ADAMTSL1: variants seen among roughly 807,000 people sequenced by gnomAD.
The protein encoded by ADAMTSL1 is ADAMTS like 1, also known as ADAMTS-like protein 1.
Under a neutral mutation model 201.8 loss-of-function variants are expected in ADAMTSL1, and 126 were observed. The ratio of observed to expected loss-of-function variants is 0.62; its 90% CI spans 0.54 to 0.72. The LOEUF is 0.72. Ranked by LOEUF, ADAMTSL1 falls within the 30% of genes least tolerant of loss-of-function variation. The pLI, the probability that ADAMTSL1 is intolerant of heterozygous loss-of-function variation, is 0.00. For missense variants in ADAMTSL1, 2,679 were observed against 2,277.8 expected (o/e 1.18, Z -3.59); for synonymous variants, 1,121 against 903.4 (o/e 1.24, Z -4.32).
intron 1 of ADAMTSL1, among the ~76,000 whole-genome samples, chr9:18,014,245 G>C (rs1014439923): frequency 6.6e-6 from 1 of 151,946 alleles, no homozygotes. Flanking sequence ...TGCTCCACTG[G>C]CAAAATGGAG....
chr9:18,259,651 T>C (rs752808187), intron 2 of ADAMTSL1, among the ~76,000 whole-genome samples: 3 of 152,166 alleles, frequency 2.0e-5, no homozygotes, highest in Non-Finnish European at 4.4e-5. Context: ...CTTTGACTTG[T>C]TAGGTTTCCA....
intron 23 of ADAMTSL1, among the ~76,000 whole-genome samples, chr9:18,867,439 G>T (rs993963914): frequency 1.3e-5 from 2 of 152,146 alleles, no homozygotes; most frequent in Non-Finnish European, 2.9e-5. Context: ...GATTTAAACA[G>T]TGCAAATGTG....
intron 2 of ADAMTSL1, among the ~76,000 whole-genome samples, chr9:18,366,411 C>A (rs1184710390): frequency 2.0e-5 from 3 of 151,868 alleles, no homozygotes; most frequent in Non-Finnish European, 4.4e-5. Flanking sequence ...TCATTTGTCC[C>A]ATATACTATA....
chr9:18,581,028 T>C (rs149060149), intron 4 of ADAMTSL1, among the ~76,000 whole-genome samples: 57 of 152,118 alleles, frequency 3.7e-4, no homozygotes, highest in African/African-American at 1.3e-3. Context: ...ACAACAGAAA[T>C]TTATTCTCCC....
intron 4 of ADAMTSL1, among the ~76,000 whole-genome samples, chr9:18,575,034 A>G (rs1449828191): frequency 6.6e-6 from 1 of 152,206 alleles, no homozygotes; most frequent in Non-Finnish European, 1.5e-5. Context: ...TTTATATTTC[A>G]TGAAGCAGAC....
At chr9:18,482,430 A>T (rs1294624836) in intron 1 of ADAMTSL1, among the ~76,000 whole-genome samples, 2 of 152,146 alleles carry the variant, frequency 1.3e-5, no homozygotes, top group African/African-American at 2.4e-5. Context: ...AGCTTCTGCC[A>T]TTCTCCAGCT....
chr9:18,003,778 A>G (rs575858742), intron 1 of ADAMTSL1, among the ~76,000 whole-genome samples: 5 of 152,182 alleles, frequency 3.3e-5, no homozygotes, highest in Admixed American at 3.3e-4. Context: ...TAGGAAACGA[A>G]TGAGCCTTCT....
intron 23 of ADAMTSL1, among the ~76,000 whole-genome samples, chr9:18,886,185 T>A (rs1237386674): frequency 5.5e-5 from 7 of 127,070 alleles, no homozygotes; most frequent in African/African-American, 3.1e-5. Flanking sequence ...TATATATATA[T>A]ATATATATAT....
intron 4 of ADAMTSL1, among the ~76,000 whole-genome samples, chr9:18,616,580 C>G (rs10963672): frequency 0.025 from 3,823 of 152,208 alleles, 97 homozygotes; most frequent in East Asian, 0.12. Context: ...CACATTATTG[C>G]ATACATTTTC....
intron 1 of ADAMTSL1, among the ~76,000 whole-genome samples, chr9:18,055,106 C>T (rs768270575): frequency 2.0e-5 from 3 of 152,200 alleles, no homozygotes; most frequent in Admixed American, 6.5e-5. Flanking sequence ...CACATGGTCT[C>T]TGCTGAGTGA....
At chr9:18,685,006 A>C (rs534711477) in intron 13 of ADAMTSL1, 1 of 1,314,186 alleles carries the variant, frequency 7.6e-7, no homozygotes, top group East Asian at 3.1e-5. Context: ...TGTTTTGCCT[A>C]AAGTAAGAAA....
At chr9:18,887,590 A>AAAT (rs1242835504) in intron 23 of ADAMTSL1, among the ~76,000 whole-genome samples, 16 of 152,212 alleles carry the variant, frequency 1.1e-4, no homozygotes, top group Admixed American at 1.0e-3. Flanking sequence ...AAACAGAAAG[A>AAAT]AACAGGTACT....
At chr9:18,502,498 T>A (rs1822895921) in intron 1 of ADAMTSL1, among the ~76,000 whole-genome samples, 1 of 152,198 alleles carries the variant, frequency 6.6e-6, no homozygotes, top group South Asian at 2.1e-4. Context: ...AGAAGAAATT[T>A]GTGTATGCAT....
chr9:18,354,027 G>A (rs1454182311), intron 2 of ADAMTSL1, among the ~76,000 whole-genome samples: 2 of 140,824 alleles, frequency 1.4e-5, no homozygotes, highest in Admixed American at 1.5e-4. Context: ...CTTGTATATA[G>A]TTCCAGAATT....
intron 1 of ADAMTSL1, among the ~76,000 whole-genome samples, chr9:18,135,678 A>T (rs1475690525): frequency 1.3e-5 from 2 of 152,140 alleles, no homozygotes; most frequent in African/African-American, 4.8e-5. Context: ...GCATGTGTGT[A>T]TACCATATGC....
intron 1 of ADAMTSL1, among the ~76,000 whole-genome samples, chr9:17,963,816 GA>G (rs1190253050): frequency 6.6e-6 from 1 of 151,970 alleles, no homozygotes; most frequent in East Asian, 1.9e-4. Flanking sequence ...AGGAAGAAAA[GA>G]ATTCTAACCC....
chr9:18,371,282 C>T (rs958164303), intron 2 of ADAMTSL1, among the ~76,000 whole-genome samples: 1 of 152,128 alleles, frequency 6.6e-6, no homozygotes, highest in Non-Finnish European at 1.5e-5. Flanking sequence ...TTCAGCATAG[C>T]TATCATGCAT....
intron 2 of ADAMTSL1, among the ~76,000 whole-genome samples, chr9:18,523,395 T>A (rs1268452416): frequency 6.6e-6 from 1 of 152,218 alleles, no homozygotes; most frequent in Non-Finnish European, 1.5e-5. Context: ...GTAGGTTGCC[T>A]GTTCACTATG....
chr9:18,725,617 T>G (rs763873670), intron 15 of ADAMTSL1, among the ~76,000 whole-genome samples: 3 of 152,188 alleles, frequency 2.0e-5, no homozygotes, highest in Non-Finnish European at 4.4e-5. Context: ...ATAAGGAGGT[T>G]TTCTGTGTTA....
Sources: gnomAD v4.1 joint callset for allele counts (sites outside exome capture counted in the v4.1 genomes callset) on GRCh38, gnomAD v4.1.1 for gene constraint, MANE v1.5 for transcripts, NCBI Gene and HGNC (gene_info 2026-07-23, HGNC 2026-07-21) for gene names.